The following SLC8A1 variants were observed in gnomAD, a reference collection of about 807,000 sequenced individuals.
SLC8A1 encodes solute carrier family 8 member A1.
SLC8A1 carries 18 observed loss-of-function variants against 68.3 expected under a neutral mutation model. The ratio of observed to expected loss-of-function variants is 0.26; its 90% CI spans 0.18 to 0.39. The LOEUF (loss-of-function observed/expected upper bound fraction) is 0.39. SLC8A1 is among the 10% of genes least tolerant of loss of function. The probability of loss-of-function intolerance (pLI) is 1.00; values close to 1 mark genes in which losing one functional copy is unlikely to be tolerated. For missense variants in SLC8A1, 985 were observed against 1,156.7 expected, an observed-to-expected ratio of 0.85 and a Z score of 2.15; for synonymous variants, 475 against 415.5, an observed-to-expected ratio of 1.14 and a Z score of -1.74.
chr2:40,322,820 TAACA>T (rs2075360572), intron 2 of SLC8A1, among the ~76,000 whole-genome samples: 1 of 136,898 alleles, frequency 7.3e-6, no homozygotes, highest in Admixed American at 7.2e-5. Context: ...ATTTATTGGG[TAACA>T]CACACACACA....
chr2:40,433,552 T>G (rs1428431896), intron 1 of SLC8A1, among the ~76,000 whole-genome samples: 1 of 152,130 alleles, frequency 6.6e-6, no homozygotes, highest in African/African-American at 2.4e-5. Flanking sequence ...CTATTTCCAT[T>G]ATAGTCCATG....
Position 40,499,507 on chromosome 2 carries a change from A to C in SLC8A1, c.-25+12842T>G, listed in dbSNP as rs191926266. 7.4e-4 allele frequency among the ~76,000 whole-genome samples: 113 copies of C among 152,158 alleles called. 1 individual carries two copies. Among genetic ancestry groups the C allele is most frequent in the Non-Finnish European group, 1.1e-3 (74 of 67,992 alleles). ...TGAGTTGTTCCCCAAGGAACAAGAG[A>C]ATTAGAGAGATATTCTTCAAGAAGC... is the stretch of plus-strand genomic sequence containing the variant. On this transcript the variant is annotated intron_variant, in intron 1 of 7. Coordinates refer to the SLC8A1 transcript ENST00000402441.
chr2:40,207,059 A>T (rs1161480732), intron 2 of SLC8A1, among the ~76,000 whole-genome samples: 1 of 152,112 alleles, frequency 6.6e-6, no homozygotes, highest in African/African-American at 2.4e-5. Flanking sequence ...TATTTAATTA[A>T]GACCAAAAAC....
chr2:40,127,740 T>G (rs2038445099), intron 7 of SLC8A1, among the ~76,000 whole-genome samples: 1 of 152,150 alleles, frequency 6.6e-6, no homozygotes, highest in African/African-American at 2.4e-5. Context: ...AAAAGTCCCC[T>G]GGGCTCCAGA....
intron 1 of SLC8A1, among the ~76,000 whole-genome samples, chr2:40,461,588 G>C (rs896024375): frequency 2.6e-5 from 4 of 152,168 alleles, no homozygotes; most frequent in Admixed American, 2.6e-4. Context: ...AGCTAAGTCT[G>C]ACAAAGGATG....
intron 2 of SLC8A1, among the ~76,000 whole-genome samples, chr2:40,277,767 C>A: frequency 7.9e-6 from 1 of 125,950 alleles, no homozygotes; most frequent in South Asian, 2.4e-4. Flanking sequence ...TACATATAAA[C>A]ATATGTATAA....
intron 2 of SLC8A1, among the ~76,000 whole-genome samples, chr2:40,325,851 C>G (rs2075766934): frequency 6.7e-6 from 1 of 148,638 alleles, no homozygotes; most frequent in Non-Finnish European, 1.5e-5. Context: ...CTACTTGGGA[C>G]TGATATTCGA....
chr2:40,486,506 CT>C (rs1338503366), intron 1 of SLC8A1, among the ~76,000 whole-genome samples: 4 of 152,128 alleles, frequency 2.6e-5, no homozygotes, highest in Non-Finnish European at 5.9e-5. Context: ...ATATATTCCT[CT>C]TTCTAACAAA....
At chr2:40,384,781 T>C (rs146627365) in intron 2 of SLC8A1, among the ~76,000 whole-genome samples, 28 of 152,260 alleles carry the variant, frequency 1.8e-4, no homozygotes, top group Non-Finnish European at 3.2e-4. Flanking sequence ...CATTTGGGCA[T>C]TTAAAAATGT....
At chr2:40,222,032 A>G (rs2058396626) in intron 2 of SLC8A1, among the ~76,000 whole-genome samples, 1 of 152,208 alleles carries the variant, frequency 6.6e-6, no homozygotes, top group South Asian at 2.1e-4. Context: ...TAAATTTCAT[A>G]TGGAACTAAA....
intron 1 of SLC8A1, among the ~76,000 whole-genome samples, chr2:40,510,019 G>T (rs1223264780): frequency 2.6e-5 from 4 of 151,960 alleles, no homozygotes; most frequent in East Asian, 1.9e-4. Flanking sequence ...GTAGAGACCG[G>T]GTTTCACTAT....
At chr2:40,480,668 G>T (rs1191627461) in intron 1 of SLC8A1, among the ~76,000 whole-genome samples, 1 of 152,184 alleles carries the variant, frequency 6.6e-6, no homozygotes, top group Non-Finnish European at 1.5e-5. Context: ...AAAATTTCTT[G>T]TTGGAGTGGA....
rs1156984546 is a variant in SLC8A1 at position 40,122,212 on chromosome 2, A to G, written c.2438-6583T>C. Among the ~76,000 whole-genome samples, 202 of 147,238 alleles carry G rather than the reference A, an allele frequency of 1.4e-3. 1 individual carries two copies. The highest frequency in any genetic ancestry group is 3.8e-3 in the African/African-American group (148 of 39,238). On this transcript the variant is annotated intron_variant, in intron 7 of 7. Coordinates refer to ENST00000406785, the Ensembl canonical transcript of SLC8A1. ...CACAAGTGCATGCGCGCGCGCACAC[A>G]CACACACACACACGTGTGCGCGCGC...
At chr2:40,134,593 C>T (rs1367735792) in intron 7 of SLC8A1, among the ~76,000 whole-genome samples, 5 of 152,094 alleles carry the variant, frequency 3.3e-5, no homozygotes, top group South Asian at 2.1e-4. Flanking sequence ...CTACAATAAC[C>T]GTCTCAGATA....
chr2:40,183,270 G>C (rs1329778504), intron 2 of SLC8A1, among the ~76,000 whole-genome samples: 1 of 152,108 alleles, frequency 6.6e-6, no homozygotes, highest in African/African-American at 2.4e-5. Flanking sequence ...TCATTCAACT[G>C]TGCAGTATTT....
chr2:40,417,776 T>C (rs1694308316), intron 2 of SLC8A1, among the ~76,000 whole-genome samples: 1 of 152,070 alleles, frequency 6.6e-6, no homozygotes, highest in Admixed American at 6.6e-5. Context: ...ACAATGAACA[T>C]CTACCATTCA....
At chr2:40,267,558 A>T (rs1189341239) in intron 2 of SLC8A1, among the ~76,000 whole-genome samples, 2 of 152,300 alleles carry the variant, frequency 1.3e-5, no homozygotes, top group East Asian at 3.9e-4. Context: ...TGAAAGCAGG[A>T]AATATGTGTA....
intron 2 of SLC8A1, among the ~76,000 whole-genome samples, chr2:40,294,011 T>G (rs1011555227): frequency 2.0e-5 from 3 of 151,994 alleles, no homozygotes; most frequent in African/African-American, 7.2e-5. Flanking sequence ...TAGCAATCAG[T>G]TTAAAGTTTT....
chr2:40,285,070 G>C (rs539684084), intron 2 of SLC8A1, among the ~76,000 whole-genome samples: 1 of 152,218 alleles, frequency 6.6e-6, no homozygotes, highest in South Asian at 2.1e-4. Flanking sequence ...TGGACTCCAG[G>C]AACAGAGAGA....
Sources: allele counts gnomAD v4.1 joint callset (sites outside exome capture counted in the v4.1 genomes callset), GRCh38; gene constraint gnomAD v4.1.1; transcripts MANE v1.5; gene names NCBI Gene and HGNC (gene_info 2026-07-23, HGNC 2026-07-21).